Variants in TGFB1I1 observed in about 807,000 individuals in gnomAD.
TGFB1I1 encodes the protein transforming growth factor beta-1-induced transcript 1 protein.
A neutral mutation model predicts 52.0 loss-of-function variants in TGFB1I1; 33 were observed. That is an observed-to-expected ratio of 0.63 (90% CI 0.48 to 0.85). The LOEUF (loss-of-function observed/expected upper bound fraction) is 0.85. Ranked by LOEUF, TGFB1I1 falls within the 40% of genes least tolerant of loss-of-function variation. The probability of loss-of-function intolerance (pLI) is 0.00; values close to 1 mark genes in which losing one functional copy is unlikely to be tolerated. For synonymous variants in TGFB1I1, 236 were observed against 253.3 expected, an observed-to-expected ratio of 0.93 and a Z score of 0.65; for missense variants, 577 against 614.9, an observed-to-expected ratio of 0.94 and a Z score of 0.65.
chr16:31,473,208 G>C, intron 1 of TGFB1I1: 1 of 1,349,004 alleles, frequency 7.4e-7, no homozygotes, highest in Non-Finnish European at 9.5e-7. Flanking sequence ...AAGATGGGGA[G>C]AATAAAATAA....
In TGFB1I1 at chr16:31,474,500, C is replaced by G. The variant is rs757040830; in HGVS notation, c.519+45C>G. 1 of 1,613,606 alleles carries G rather than the reference C, an allele frequency of 6.2e-7. No homozygotes were observed. The highest frequency in any genetic ancestry group is 8.5e-7 in the Non-Finnish European group (1 of 1,179,714). On this transcript the variant is annotated intron_variant, in intron 6 of 10. Coordinates refer to ENST00000394863, the MANE Select transcript of TGFB1I1 (RefSeq NM_001042454.3). This position sits in a 1 kb window ranked among gnomAD's most constrained non-coding sequence, Gnocchi z 4.2. ...AGTGTCCATTTGTGGCTCCCCAACC[C>G]CTTCTAGACAATTCCACATCTGCTG...
chr16:31,476,380 CT>C lies in TGFB1I1; in HGVS notation c.889-100del. On this transcript the variant is annotated intron_variant, in intron 8 of 10. Transcript: ENST00000394863. This position sits in a 1 kb window ranked among gnomAD's most constrained non-coding sequence, Gnocchi z 7.6. ...ACGTTCCTAGTTAGATCTTCTCCCCCTCCCCCCACGCATGCCTTAGTCCAGT... is the reference window on the plus strand; with the variant it reads ...ACGTTCCTAGTTAGATCTTCTCCCCCCCCCCCACGCATGCCTTAGTCCAGT... 7.7e-7 allele frequency: 1 copy of C among 1,303,694 alleles called. No homozygotes were observed. Among genetic ancestry groups the C allele is most frequent in the Non-Finnish European group, 1.1e-6 (1 of 937,412 alleles). 80.8% of individuals were successfully genotyped at this position (1,303,694 alleles called of 1,614,324 possible).
Position 31,476,272 on chromosome 16 carries a change from C to A in TGFB1I1, c.888+87C>A. On this transcript the variant is annotated intron_variant, in intron 8 of 10. Coordinates refer to ENST00000394863, the MANE Select transcript of TGFB1I1 (RefSeq NM_001042454.3). This position sits in a 1 kb window ranked among gnomAD's most constrained non-coding sequence, Gnocchi z 7.6. Reference sequence around the variant, plus strand: ...CTCCACCGCATGGGTCCCGCCCCACCCGCGATACCCCACTCCACCCCTACC... The same window carrying A: ...CTCCACCGCATGGGTCCCGCCCCACACGCGATACCCCACTCCACCCCTACC... The A allele has an allele frequency of 6.6e-7, 1 of 1,514,560 alleles. No homozygotes were observed. Among genetic ancestry groups the A allele is most frequent in the Non-Finnish European group, 8.9e-7 (1 of 1,123,782 alleles). 93.8% of individuals were successfully genotyped at this position (1,514,560 alleles called of 1,614,324 possible).
chr16:31,475,985 C>G, intron 7 of TGFB1I1, 27 bp from the exon 8 acceptor site: 2 of 1,602,800 alleles, frequency 1.2e-6, no homozygotes, highest in Non-Finnish European at 1.7e-6. Context: ...CAGAGCCGCT[C>G]TGACCCGCCT....
chr16:31,477,508 A>C lies in TGFB1I1; in HGVS notation c.1318A>C (p.Lys440Gln), dbSNP rs1178451098. 1 of 1,609,748 alleles carries C rather than the reference A, an allele frequency of 6.2e-7. No homozygotes were observed. The highest frequency in any genetic ancestry group is 1.1e-5 in the South Asian group (1 of 90,530). Residue 440 changes from lysine to glutamine, a missense_variant, in exon 11 of 11, where the codon AAG (lysine) becomes CAG (glutamine). By Grantham distance (53) the Lys-to-Gln change is moderately conservative. This residue lies in a region of TGFB1I1 where 456 missense variants were observed against 461.6 expected (regional missense o/e 0.99). Coordinates refer to ENST00000394863, the MANE Select transcript of TGFB1I1 (RefSeq NM_001042454.3). The surrounding 1 kb of genome is among the most constrained non-coding windows in gnomAD (Gnocchi z 4.7). ...CACCTTCTGCCTGCGCCCGCTCACC[A>C]AGGGGTCCTTCCAGGAGCGCGCCGG... ...TCTFCLRPLT[K>Q]GSFQERAGKP...
chr16:31,477,329 C>T lies in TGFB1I1; in HGVS notation c.1139C>T (p.Ser380Leu). Residue 380 changes from serine to leucine, a missense_variant, in exon 11 of 11, where the codon TCG (serine) becomes TTG (leucine). Ser to Leu is a moderately radical substitution (Grantham distance 145, BLOSUM62 -2). Coordinates refer to ENST00000394863, the MANE Select transcript of TGFB1I1 (RefSeq NM_001042454.3). The surrounding 1 kb of genome is among the most constrained non-coding windows in gnomAD (Gnocchi z 4.7). Reference sequence around the variant, plus strand: ...CCCCAGGAATGCTTCGCGCCCTTCTCGGGAGGCAGCTTTTTCGAGCACGAG... The same window carrying T: ...CCCCAGGAATGCTTCGCGCCCTTCTTGGGAGGCAGCTTTTTCGAGCACGAG... ...FVCRECFAPF[S>L]GGSFFEHEGR... 2.5e-6 allele frequency: 4 copies of T among 1,610,268 alleles called. No individual in the cohort carries two copies. The highest frequency in any genetic ancestry group is 3.4e-6 in the Non-Finnish European group (4 of 1,178,148).
In TGFB1I1 at chr16:31,476,898, G is replaced by A; in HGVS notation, c.1007G>A (p.Arg336Gln). ...HEREGRPYCR[R>Q]DFLQLFAPRC... ...CGCGAGGGCCGCCCCTACTGCCGCC[G>A]GGACTTCCTGCAGCTGTTCGCCCCG... Residue 336 changes from arginine to glutamine, a missense_variant, in exon 10 of 11, where the codon CGG (arginine) becomes CAG (glutamine). This residue lies in a region of TGFB1I1 where 456 missense variants were observed against 461.6 expected (regional missense o/e 0.99). Coordinates refer to ENST00000394863, the MANE Select transcript of TGFB1I1 (RefSeq NM_001042454.3). The surrounding 1 kb of genome is among the most constrained non-coding windows in gnomAD (Gnocchi z 7.6). The A allele has an allele frequency of 1.9e-6, 3 of 1,609,680 alleles. No individual in the cohort carries two copies. The highest frequency in any genetic ancestry group is 1.1e-5 in the South Asian group (1 of 90,826).
chr16:31,475,818 G>C, intron 7 of TGFB1I1, 194 bp from the exon 8 acceptor site: 1 of 612,292 alleles, frequency 1.6e-6, no homozygotes, highest in Non-Finnish European at 2.8e-6. Flanking sequence ...CTCATGTATA[G>C]GTCAATCCTG....
rs1264945386 is a variant in TGFB1I1, at chr16:31,474,518, A to T, written c.520-45A>T. 1.2e-6 allele frequency: 2 copies of T among 1,612,598 alleles called. No individual in the cohort carries two copies. Among genetic ancestry groups the T allele is most frequent in the Non-Finnish European group, 1.7e-6 (2 of 1,179,010 alleles). On this transcript the variant is annotated intron_variant, in intron 6 of 10. Coordinates refer to ENST00000394863, the MANE Select transcript of TGFB1I1 (RefSeq NM_001042454.3). This position sits in a 1 kb window ranked among gnomAD's most constrained non-coding sequence, Gnocchi z 4.2. ...CCCAACCCCTTCTAGACAATTCCAC[A>T]TCTGCTGCTTTGCTGACTCAATTCT...
rs1567383977 is a variant in TGFB1I1, at chr16:31,476,763, C to T, written c.971-99C>T. ...CCCGGCTCCTCCTTCCCCAAGGCTCCCTCGGACTGCCCCTCCTTCGGCCCC... is the reference window on the plus strand; with the variant it reads ...CCCGGCTCCTCCTTCCCCAAGGCTCTCTCGGACTGCCCCTCCTTCGGCCCC... On this transcript the variant is annotated intron_variant, in intron 9 of 10. Transcript: ENST00000394863. This position sits in a 1 kb window ranked among gnomAD's most constrained non-coding sequence, Gnocchi z 7.6. The T allele has an allele frequency of 5.8e-6, 9 of 1,559,922 alleles. No homozygotes were observed. The South Asian group carries it at 7.0e-5, about 12-fold the overall frequency.
rs2082423692 is a variant in TGFB1I1 at position 31,476,364 on chromosome 16, G to C, written c.889-117G>C. ...TTCCTTTCTGACCCCCACGTTCCTA[G>C]TTAGATCTTCTCCCCCTCCCCCCAC... On this transcript the variant is annotated intron_variant, in intron 8 of 10. Transcript: ENST00000394863. This position sits in a 1 kb window ranked among gnomAD's most constrained non-coding sequence, Gnocchi z 7.6. The C allele has an allele frequency of 1.6e-6, 2 of 1,253,072 alleles. No homozygotes were observed. The highest frequency in any genetic ancestry group is 2.8e-5 in the South Asian group (2 of 71,430). 77.6% of individuals were successfully genotyped at this position (1,253,072 alleles called of 1,614,324 possible).
Position 31,473,852 on chromosome 16 carries a change from G to T in TGFB1I1, c.200G>T (p.Arg67Leu). 1.2e-6 allele frequency: 2 copies of T among 1,614,128 alleles called. No individual in the cohort carries two copies. Among genetic ancestry groups the T allele is most frequent in the African/African-American group, 1.3e-5 (1 of 75,042 alleles). The change falls in exon 4 of 11, where the codon CGG becomes CTG. Residue 67 changes from arginine to leucine, a missense_variant. Physicochemically the swap from Arg to Leu is moderately radical, Grantham distance 102. Transcript: ENST00000394863. ...DHLYSTVCKP[R>L]SPKPAAPAAP... ...CTTCCCAGCACGGTATGCAAGCCTC[G>T]GTCCCCAAAGCCTGCAGCCCCGGCG... is the stretch of plus-strand genomic sequence containing the variant.
intron 1 of TGFB1I1, 117 bp from the exon 2 acceptor site, chr16:31,473,324 C>T: frequency 1.4e-6 from 2 of 1,460,624 alleles, no homozygotes; most frequent in Non-Finnish European, 1.8e-6. Context: ...GGCTCTGGCC[C>T]TGTGACCTCT....
In TGFB1I1 at chr16:31,474,713, GCC is replaced by G. The variant is rs2082413532; in HGVS notation, c.671_672del (p.Ala224GlufsTer9). 4 of 1,612,242 alleles carry G rather than the reference GCC, an allele frequency of 2.5e-6. No individual in the cohort carries two copies. In the African/African-American group the frequency reaches 5.3e-5, roughly 22 times the overall value. On this transcript the variant is annotated frameshift_variant, in exon 7 of 11. Coordinates refer to ENST00000394863, the MANE Select transcript of TGFB1I1 (RefSeq NM_001042454.3). LOFTEE classifies it high-confidence loss of function. The surrounding 1 kb of genome is among the most constrained non-coding windows in gnomAD (Gnocchi z 4.2). ...CAGCCGCCGGGGTGTTCCCACCCAG[GCC>G]AAAGGCCTCTGTGGCTCCTGCAATA... The part of the protein sequence containing the change: ...DLSRRGVPTQ[A>X]KGLCGSCNKP...
rs2082435474 is a variant in TGFB1I1 at position 31,477,600 on chromosome 16, C to T, written c.*24C>T. 3.2e-6 allele frequency: 5 copies of T among 1,569,286 alleles called. No individual in the cohort carries two copies. The African/African-American group carries it at 5.4e-5, about 17-fold the overall frequency. On this transcript the variant is annotated 3_prime_UTR_variant, in exon 11 of 11. Transcript: ENST00000394863. This position sits in a 1 kb window ranked among gnomAD's most constrained non-coding sequence, Gnocchi z 4.7. ...GACAGCCCGCTCGGCTCGCCCTCTC[C>T]CCCGGAGGCCGCGCCCTCCCGGAAA...
In TGFB1I1 at chr16:31,472,185, C is replaced by A; in HGVS notation, c.-4C>A. On this transcript the variant is annotated 5_prime_UTR_variant, in exon 1 of 11. Transcript: ENST00000394863. Reference sequence around the variant, plus strand: ...CGCCCCGCGCCACCGGCCCGCGCCCCGCCATGGAGGACCTGGGTGAGTGGG... The same window carrying A: ...CGCCCCGCGCCACCGGCCCGCGCCCAGCCATGGAGGACCTGGGTGAGTGGG... The A allele has an allele frequency of 6.7e-7, 1 of 1,485,028 alleles. No individual in the cohort carries two copies. Among genetic ancestry groups the A allele is most frequent in the Admixed American group, 2.0e-5 (1 of 48,814 alleles). The allele number at this position is 1,485,028 out of a possible 1,614,324, so 92.0% of individuals were successfully genotyped here. A position where few individuals can be genotyped will look rare whatever the true frequency, so the allele number is the denominator to read the frequency against.
chr16:31,476,205 A>C lies in TGFB1I1; in HGVS notation c.888+20A>C, dbSNP rs1347673913. 3 of 1,605,502 alleles carry C rather than the reference A, an allele frequency of 1.9e-6. No individual in the cohort carries two copies. The highest frequency in any genetic ancestry group is 1.7e-6 in the Non-Finnish European group (2 of 1,177,034). ...CGACACGTGAGCCCCGCCCGGCCGC[A>C]CCGAGCCCGCCCTATCTCACCAGGA... On this transcript the variant is annotated intron_variant, in intron 8 of 10. Transcript: ENST00000394863. This position sits in a 1 kb window ranked among gnomAD's most constrained non-coding sequence, Gnocchi z 7.6.
chr16:31,472,250 A>G, intron 1 of TGFB1I1, 49 bp downstream of exon 1: 1 of 1,439,886 alleles, frequency 6.9e-7, no homozygotes, highest in East Asian at 2.7e-5. Flanking sequence ...CGCTGCCCAG[A>G]GCTGCCTCCC....
rs1251393318 is a variant in TGFB1I1 at position 31,477,471 on chromosome 16, C to G, written c.1281C>G (p.Asp427Glu). Reference protein sequence around the residue: ...VSALGRRFHPDHFTCTFCLRP... With the variant: ...VSALGRRFHPEHFTCTFCLRP... ...CCCTGGGTCGCCGCTTCCACCCGGA[C>G]CACTTCACATGCACCTTCTGCCTGC... The change falls in exon 11 of 11, where the codon GAC becomes GAG. Residue 427 changes from aspartate (D) to glutamate (E), a missense_variant. Asp to Glu is a conservative substitution (Grantham distance 45, BLOSUM62 2). Around this residue, in one of 3 missense-constraint regions of TGFB1I1, gnomAD observed 456 missense variants for 461.6 expected, o/e 0.99. Coordinates refer to ENST00000394863, the MANE Select transcript of TGFB1I1 (RefSeq NM_001042454.3). This position sits in a 1 kb window ranked among gnomAD's most constrained non-coding sequence, Gnocchi z 4.7. 6.2e-7 allele frequency: 1 copy of G among 1,603,876 alleles called. No individual in the cohort carries two copies. The highest frequency in any genetic ancestry group is 8.5e-7 in the Non-Finnish European group (1 of 1,175,704).
Sources: gnomAD v4.1 joint callset for allele counts on GRCh38, gnomAD v4.1.1 for gene constraint, gnomAD v4.1.1 regional missense constraint, Gnocchi (gnomAD v3.1) non-coding constraint, MANE v1.5 for transcripts, NCBI Gene and HGNC (gene_info 2026-07-23, HGNC 2026-07-21) for gene names.